SLC38A4: variants seen among roughly 807,000 people sequenced by gnomAD.
SLC38A4 encodes the protein sodium-coupled neutral amino acid transporter 4.
A neutral mutation model predicts 63.1 loss-of-function variants in SLC38A4; 20 were observed. The ratio of observed to expected loss-of-function variants is 0.32; its 90% CI spans 0.22 to 0.46. SLC38A4 has a LOEUF of 0.46. SLC38A4 is among the 20% of genes least tolerant of loss of function. The pLI is 1.00. For missense variants in SLC38A4, 526 were observed against 663.6 expected (o/e 0.79, Z 2.28); for synonymous variants, 230 against 225.5 (o/e 1.02, Z -0.18).
chr12:46,779,855 A>G lies in SLC38A4; in HGVS notation c.583T>C (p.Tyr195His). 6.2e-7 allele frequency: 1 copy of G among 1,612,186 alleles called. No homozygotes were observed. Among genetic ancestry groups the G allele is most frequent in the Middle Eastern group, 1.7e-4 (1 of 6,046 alleles). Residue 195 changes from tyrosine (Y) to histidine (H), a missense_variant, in exon 9 of 17, where the codon TAC becomes CAC. By Grantham distance (83) the Tyr-to-His change is moderately conservative. Coordinates refer to ENST00000266579, the MANE Select transcript of SLC38A4 (RefSeq NM_018018.5). ...MGLEENTGEWYLNGNYLIIFV... is the reference protein window; with the variant it reads ...MGLEENTGEWHLNGNYLIIFV... ...ATGATGAGGTAGTTGCCATTGAGGT[A>G]CCATTCTCTAGAAGTGAGAGACAAG...
At chr12:46,773,288 G>A (rs753812864) in intron 14 of SLC38A4, among the ~76,000 whole-genome samples, 3 of 152,034 alleles carry the variant, frequency 2.0e-5, no homozygotes, top group Non-Finnish European at 4.4e-5. Context: ...TTCTTCCCAA[G>A]CACGACGGAG....
chr12:46,804,333 A>AG (rs1186980472), intron 1 of SLC38A4, among the ~76,000 whole-genome samples: 11 of 152,054 alleles, frequency 7.2e-5, no homozygotes, highest in Middle Eastern at 3.4e-3. Flanking sequence ...TAAAAAAAAA[A>AG]TCTACTTGGC....
intron 1 of SLC38A4, among the ~76,000 whole-genome samples, chr12:46,811,083 T>C (rs1441309283): frequency 1.3e-5 from 2 of 152,030 alleles, no homozygotes; most frequent in African/African-American, 4.8e-5. Flanking sequence ...ATAATCAGTT[T>C]CTATTATGGC....
intron 1 of SLC38A4, among the ~76,000 whole-genome samples, chr12:46,832,119 T>C (rs1290819355): frequency 6.6e-6 from 1 of 151,994 alleles, no homozygotes; most frequent in East Asian, 1.9e-4. Flanking sequence ...GCGTGAATGT[T>C]TGGAAAATAA....
chr12:46,809,881 G>T (rs1235286317), intron 1 of SLC38A4, among the ~76,000 whole-genome samples: 6 of 148,008 alleles, frequency 4.1e-5, no homozygotes, highest in African/African-American at 1.5e-4. Context: ...CTCCTTTTTT[G>T]TTTACCTTGA....
intron 15 of SLC38A4, 126 bp downstream of exon 15, chr12:46,769,158 G>A: frequency 9.5e-7 from 1 of 1,049,426 alleles, no homozygotes. Context: ...GAGCCTCTCA[G>A]GGATAAAGGG....
intron 1 of SLC38A4, among the ~76,000 whole-genome samples, chr12:46,819,875 G>T (rs1326297893): frequency 1.3e-5 from 2 of 151,876 alleles, no homozygotes; most frequent in Non-Finnish European, 2.9e-5. Context: ...CAGTCAACCA[G>T]AAGTATTAAT....
intron 2 of SLC38A4, among the ~76,000 whole-genome samples, chr12:46,799,385 T>G (rs868446156): frequency 6.6e-6 from 1 of 152,130 alleles, no homozygotes. Flanking sequence ...GTCTATCTCC[T>G]GAGGTCAGGA....
intron 1 of SLC38A4, among the ~76,000 whole-genome samples, chr12:46,819,123 T>G (rs547132374): frequency 6.6e-6 from 1 of 151,914 alleles, no homozygotes; most frequent in African/African-American, 2.4e-5. Context: ...TCAACACAAT[T>G]CAGAATATGG....
At chr12:46,797,778 T>G (rs1026125359) in intron 2 of SLC38A4, among the ~76,000 whole-genome samples, 1 of 152,154 alleles carries the variant, frequency 6.6e-6, no homozygotes, top group Non-Finnish European at 1.5e-5. Flanking sequence ...TCCAGGGGCC[T>G]AAATGTCATC....
At chr12:46,816,400 A>G (rs1049294491) in intron 1 of SLC38A4, among the ~76,000 whole-genome samples, 9 of 151,944 alleles carry the variant, frequency 5.9e-5, no homozygotes, top group South Asian at 2.1e-4. Context: ...CATAAATATA[A>G]TGTCTTTGTT....
At chr12:46,777,503 C>T (rs1203462892) in intron 12 of SLC38A4, among the ~76,000 whole-genome samples, 1 of 151,876 alleles carries the variant, frequency 6.6e-6, no homozygotes, top group Non-Finnish European at 1.5e-5. Flanking sequence ...ATGTAATTTT[C>T]AAAGTAAATC....
chr12:46,778,550 G>A lies in SLC38A4; in HGVS notation c.944C>T (p.Ala315Val), dbSNP rs767370772. ...SLHDSGVEYE[A>V]HSDDKCEPKY... ...GGGTTCACACTTGTCATCACTATGA[G>A]CTTCATATTCTACTCCACTGTCATG... Residue 315 changes from alanine to valine, a missense_variant, in exon 11 of 17, where the codon GCT (alanine) becomes GTT (valine). Transcript: ENST00000266579. 3 of 1,612,980 alleles carry A rather than the reference G, an allele frequency of 1.9e-6. No homozygotes were observed. Among genetic ancestry groups the A allele is most frequent in the South Asian group, 2.2e-5 (2 of 91,052 alleles).
At chr12:46,825,337 C>CAGAT (rs1262601000) in intron 1 of SLC38A4, among the ~76,000 whole-genome samples, 2 of 109,740 alleles carry the variant, frequency 1.8e-5, no homozygotes, top group East Asian at 2.5e-4. Context: ...ATATTCCTTA[C>CAGAT]AGATGCCTCT....
chr12:46,795,915 C>T (rs926310310), intron 2 of SLC38A4, among the ~76,000 whole-genome samples: 5 of 139,392 alleles, frequency 3.6e-5, no homozygotes, highest in African/African-American at 5.6e-5. Context: ...AGCATGCAGA[C>T]GGCCCAATCA....
chr12:46,798,345 A>G lies in SLC38A4; in HGVS notation c.-112-5162T>C, dbSNP rs574848907. Reference sequence around the variant, plus strand: ...CTCTCCTCACCTTAGTGTTCTAGCTACACTAGTCTTTCCATTCCAGAAATC... The same window carrying G: ...CTCTCCTCACCTTAGTGTTCTAGCTGCACTAGTCTTTCCATTCCAGAAATC... On this transcript the variant is annotated intron_variant, in intron 2 of 16. Transcript: ENST00000266579. Among the ~76,000 whole-genome samples the G allele has an allele frequency of 2.6e-5, 4 of 152,180 alleles. No individual in the cohort carries two copies. In the South Asian group the frequency reaches 8.3e-4, roughly 32 times the overall value.
upstream of SLC38A4, among the ~76,000 whole-genome samples, chr12:46,827,257 A>G (rs1939670764): frequency 6.6e-6 from 1 of 152,218 alleles, no homozygotes; most frequent in Non-Finnish European, 1.5e-5. Flanking sequence ...ATGATAGAGG[A>G]AATCACGCTA....
chr12:46,768,332 A>G lies in SLC38A4; in HGVS notation c.1520T>C (p.Phe507Ser), dbSNP rs1938340209. ...TACCCCGACCTTTTGGGGTGACCTA[A>G]AAGTTTCTTTCTTGACAAGTTTAAG... ...FYLKLVKKET[F>S]RSPQKVGALI... Residue 507 changes from phenylalanine to serine, a missense_variant, in exon 16 of 17, where the codon TTT becomes TCT. Coordinates refer to ENST00000266579, the MANE Select transcript of SLC38A4 (RefSeq NM_018018.5). The G allele has an allele frequency of 6.2e-7, 1 of 1,611,234 alleles. No individual in the cohort carries two copies. Among genetic ancestry groups the G allele is most frequent in the Admixed American group, 1.7e-5 (1 of 59,756 alleles).
chr12:46,816,006 A>C (rs751845893), intron 1 of SLC38A4, among the ~76,000 whole-genome samples: 21 of 151,924 alleles, frequency 1.4e-4, no homozygotes, highest in Non-Finnish European at 2.1e-4. Context: ...TTCCTCCAGC[A>C]CTGCTGCAAC....
Sources: allele counts gnomAD v4.1 joint callset (sites outside exome capture counted in the v4.1 genomes callset), GRCh38; gene constraint gnomAD v4.1.1; transcripts MANE v1.5; gene names NCBI Gene and HGNC (gene_info 2026-07-23, HGNC 2026-07-21).